The following ZMIZ1 variants were observed in gnomAD, a reference collection of about 807,000 sequenced individuals.
The protein encoded by ZMIZ1 is zinc finger MIZ-type containing 1, also known as zinc finger MIZ domain-containing protein 1.
Under a neutral mutation model 113.9 loss-of-function variants are expected in ZMIZ1, and 17 were observed. That is an observed-to-expected ratio of 0.15 (90% CI 0.10 to 0.22). The LOEUF is 0.22. Ranked by LOEUF, ZMIZ1 falls within the 10% of genes least tolerant of loss-of-function variation. The pLI is 1.00. For synonymous variants in ZMIZ1, 607 were observed against 603.1 expected (o/e 1.01, Z -0.09); for missense variants, 1,059 against 1,477.8 (o/e 0.72, Z 4.65).
intron 22 of ZMIZ1, 88 bp from the exon 23 acceptor site, chr10:79,307,317 C>T (rs1354545824): frequency 2.2e-6 from 3 of 1,364,094 alleles, no homozygotes; most frequent in African/African-American, 1.4e-5. Context: ...AAGGACTTGG[C>T]TTGTATTTTT....
chr10:79,083,828 A>C (rs945846727), intron 1 of ZMIZ1, among the ~76,000 whole-genome samples: 11 of 152,222 alleles, frequency 7.2e-5, no homozygotes, highest in African/African-American at 2.7e-4. Flanking sequence ...GAACTGGCTC[A>C]AGTTGCTGTG....
intron 4 of ZMIZ1, among the ~76,000 whole-genome samples, chr10:79,163,622 AGTGCTG>A (rs1429264974): frequency 2.6e-5 from 4 of 152,252 alleles, no homozygotes; most frequent in Non-Finnish European, 5.9e-5. Context: ...CAGAGCCATC[AGTGCTG>A]GAATGGGGAT....
chr10:79,237,714 TC>T (rs1849649361), intron 7 of ZMIZ1, among the ~76,000 whole-genome samples: 1 of 152,204 alleles, frequency 6.6e-6, no homozygotes, highest in Non-Finnish European at 1.5e-5. Flanking sequence ...AGGCCCTACT[TC>T]CTTCCAAATA....
intron 4 of ZMIZ1, among the ~76,000 whole-genome samples, chr10:79,171,047 A>C (rs925293516): frequency 4.6e-5 from 7 of 152,282 alleles, no homozygotes; most frequent in Non-Finnish European, 8.8e-5. Flanking sequence ...CTCCCAGCCC[A>C]TGGGTCCTCC....
intron 7 of ZMIZ1, among the ~76,000 whole-genome samples, chr10:79,247,652 A>G (rs539273240): frequency 9.2e-5 from 14 of 152,274 alleles, no homozygotes; most frequent in Non-Finnish European, 2.1e-4. Context: ...AGGCCTTAGA[A>G]GTGCCTGGCC....
chr10:79,234,915 A>G (rs923028311), intron 7 of ZMIZ1, among the ~76,000 whole-genome samples: 2 of 152,222 alleles, frequency 1.3e-5, no homozygotes, highest in Non-Finnish European at 2.9e-5. Context: ...AGAGGGGATT[A>G]GGGTCCAGAG....
chr10:79,221,459 C>T (rs1848968401), intron 7 of ZMIZ1, among the ~76,000 whole-genome samples: 2 of 152,202 alleles, frequency 1.3e-5, no homozygotes. Flanking sequence ...ACCAGGCCCC[C>T]TCCCTCCTCA....
chr10:79,219,869 C>T (rs1204990199), intron 7 of ZMIZ1, among the ~76,000 whole-genome samples: 1 of 152,124 alleles, frequency 6.6e-6, no homozygotes, highest in Admixed American at 6.5e-5. Context: ...ACAGCCATGA[C>T]TAACTACCTT....
intron 7 of ZMIZ1, among the ~76,000 whole-genome samples, chr10:79,268,654 G>C (rs1270306115): frequency 2.6e-5 from 4 of 152,244 alleles, no homozygotes; most frequent in Non-Finnish European, 5.9e-5. Flanking sequence ...GGCTCATGCT[G>C]TCGCTACGGA....
At chr10:79,242,319 C>T in intron 7 of ZMIZ1, among the ~76,000 whole-genome samples, 1 of 151,898 alleles carries the variant, frequency 6.6e-6, no homozygotes, top group Non-Finnish European at 1.5e-5. Context: ...CCCGGCTTCC[C>T]TCCTGCCGCC....
At chr10:79,278,835 T>A (rs564089168) in intron 8 of ZMIZ1, among the ~76,000 whole-genome samples, 8 of 152,298 alleles carry the variant, frequency 5.3e-5, no homozygotes, top group African/African-American at 1.9e-4. Context: ...TATGTCTACT[T>A]CTTTCTACAC....
chr10:79,104,991 G>C (rs1174385554), intron 1 of ZMIZ1, among the ~76,000 whole-genome samples: 3 of 144,468 alleles, frequency 2.1e-5, no homozygotes, highest in African/African-American at 8.0e-5. Context: ...GTGTGTGTGT[G>C]TGTCTTAACT....
chr10:79,164,348 C>A (rs1312919994), intron 4 of ZMIZ1, among the ~76,000 whole-genome samples: 2 of 152,204 alleles, frequency 1.3e-5, no homozygotes, highest in African/African-American at 2.4e-5. Flanking sequence ...AACCATTGTT[C>A]ACTACCACGT....
chr10:79,246,040 A>G (rs983900322), intron 7 of ZMIZ1, among the ~76,000 whole-genome samples: 3 of 152,250 alleles, frequency 2.0e-5, no homozygotes, highest in Non-Finnish European at 4.4e-5. Context: ...CTGTTAGATA[A>G]AGAGACCTCC....
intron 22 of ZMIZ1, 63 bp downstream of exon 22, chr10:79,306,407 CAG>C: frequency 1.3e-6 from 2 of 1,578,410 alleles, no homozygotes; most frequent in Non-Finnish European, 1.7e-6. Flanking sequence ...TGCAGAGGCA[CAG>C]AATTTCTGTG....
intron 1 of ZMIZ1, among the ~76,000 whole-genome samples, chr10:79,105,927 G>T (rs1293488025): frequency 6.6e-6 from 1 of 152,194 alleles, no homozygotes; most frequent in African/African-American, 2.4e-5. Context: ...ACCAACTTCT[G>T]TGCCCTTGTA....
intron 4 of ZMIZ1, among the ~76,000 whole-genome samples, chr10:79,186,199 G>A (rs1233891284): frequency 6.6e-6 from 1 of 152,200 alleles, no homozygotes; most frequent in African/African-American, 2.4e-5. Context: ...CCTGGATCCT[G>A]TCCAAGCCCT....
At chr10:79,204,456 C>T (rs1443811235) in intron 5 of ZMIZ1, among the ~76,000 whole-genome samples, 1 of 152,198 alleles carries the variant, frequency 6.6e-6, no homozygotes, top group Non-Finnish European at 1.5e-5. Flanking sequence ...CAGCAGCTGC[C>T]CTGAACCCCA....
At chr10:79,110,743 A>T (rs180674775) in intron 1 of ZMIZ1, among the ~76,000 whole-genome samples, 19 of 152,342 alleles carry the variant, frequency 1.2e-4, no homozygotes, top group African/African-American at 4.6e-4. Flanking sequence ...GGGGAACATG[A>T]TGTCTTGCCT....
Sources: allele counts gnomAD v4.1 joint callset (sites outside exome capture counted in the v4.1 genomes callset), GRCh38; gene constraint gnomAD v4.1.1; transcripts MANE v1.5; gene names NCBI Gene and HGNC (gene_info 2026-07-23, HGNC 2026-07-21).